Variants in ABCA8 observed in about 807,000 individuals in gnomAD.
ABCA8 encodes the protein ABC-type organic anion transporter ABCA8.
A neutral mutation model predicts 192.3 loss-of-function variants in ABCA8; 177 were observed. The ratio of observed to expected loss-of-function variants is 0.92; its 90% confidence interval spans 0.81 to 1.04. ABCA8 has a LOEUF of 1.04. Ranked by LOEUF, ABCA8 falls within the 50% of genes least tolerant of loss-of-function variation. The pLI, the probability that ABCA8 is intolerant of heterozygous loss-of-function variation, is 0.00. For missense variants in ABCA8, 1,915 were observed against 1,904.8 expected (o/e 1.01, Z -0.10); for synonymous variants, 642 against 690.2 (o/e 0.93, Z 1.09).
At chr17:68,924,644 G>A (rs1460354774) in intron 11 of ABCA8, 57 bp downstream of exon 11, 1 of 1,563,010 alleles carries the variant, frequency 6.4e-7, no homozygotes, top group Non-Finnish European at 8.7e-7. Flanking sequence ...CTTGCCTCAG[G>A]TGCTATCTCT....
chr17:68,941,476 C>T (rs2068228592), intron 3 of ABCA8, among the ~76,000 whole-genome samples: 1 of 152,116 alleles, frequency 6.6e-6, no homozygotes, highest in South Asian at 2.1e-4. Context: ...AGAGCTAATG[C>T]TAATTTTCTT....
In ABCA8 at chr17:68,907,932, T is replaced by C. The variant is rs1700120797; in HGVS notation, c.2139-53A>G. The C allele has an allele frequency of 3.4e-6, 5 of 1,466,190 alleles. No individual in the cohort carries two copies. In the East Asian group the frequency reaches 7.0e-5, roughly 21 times the overall value. The allele number at this position is 1,466,190 out of a possible 1,614,324, so 90.8% of individuals were successfully genotyped here. ...ATATGTTACTCGACATAGTCTCCAA[T>C]AGCAAGAAAATAATTAACTAGTCTC... On this transcript the variant is annotated intron_variant, in intron 17 of 39. Coordinates refer to ENST00000586539, the MANE Select transcript of ABCA8 (RefSeq NM_001288985.2).
At position 68,902,804 on chromosome 17, in the gene ABCA8, G is replaced by A. The variant is rs1308183489; in HGVS notation, c.2673C>T (p.Tyr891=). 4.3e-6 allele frequency: 7 copies of A among 1,613,560 alleles called. No individual in the cohort carries two copies. Among genetic ancestry groups the A allele is most frequent in the African/African-American group, 1.3e-5 (1 of 74,888 alleles). ...ACAAATGAGGAGAAAGTTCCCAGGT[G>A]TAACTGTTTTGATATATTTTCACCA... ...YTMVKIYQNS[Y]TWELSPHLYF... Residue 891 remains tyrosine, a synonymous_variant, in exon 21 of 40, where the codon TAC becomes TAT. Coordinates refer to ENST00000586539, the MANE Select transcript of ABCA8 (RefSeq NM_001288985.2).
At chr17:68,895,726 C>T (rs970355326) in intron 21 of ABCA8, among the ~76,000 whole-genome samples, 5 of 152,110 alleles carry the variant, frequency 3.3e-5, no homozygotes, top group African/African-American at 7.2e-5. Flanking sequence ...AGTATCTTCA[C>T]GGGAGGGGCT....
chr17:68,919,197 T>C (rs1344651095), intron 14 of ABCA8, 104 bp downstream of exon 14: 7 of 1,106,712 alleles, frequency 6.3e-6, no homozygotes, highest in Non-Finnish European at 8.9e-6. Context: ...TGTCCAACAA[T>C]TGTACAATGA....
At chr17:68,889,234 G>C (rs2066568555) in intron 24 of ABCA8, among the ~76,000 whole-genome samples, 1 of 152,148 alleles carries the variant, frequency 6.6e-6, no homozygotes. Context: ...GCTTACACAA[G>C]GTTTCATAGA....
intron 14 of ABCA8, 25 bp downstream of exon 14, chr17:68,919,276 C>G: frequency 6.4e-7 from 1 of 1,573,304 alleles, no homozygotes; most frequent in South Asian, 1.2e-5. Context: ...TTGACCAACA[C>G]ATTAACTTTA....
chr17:68,944,316 T>TTATTTA (rs2068320446), intron 2 of ABCA8, among the ~76,000 whole-genome samples: 1 of 29,272 alleles, frequency 3.4e-5, no homozygotes, highest in African/African-American at 1.4e-4. Context: ...GAACTTAAAG[T>TTATTTA]TATATATATA....
chr17:68,936,031 A>G (rs1001160880), intron 5 of ABCA8, among the ~76,000 whole-genome samples: 2 of 152,142 alleles, frequency 1.3e-5, no homozygotes, highest in Admixed American at 1.3e-4. Flanking sequence ...AACTGCACTG[A>G]AAAATAGGCA....
At chr17:68,946,315 G>A (rs771792745) in intron 2 of ABCA8, among the ~76,000 whole-genome samples, 3 of 152,004 alleles carry the variant, frequency 2.0e-5, no homozygotes, top group Non-Finnish European at 4.4e-5. Flanking sequence ...ATCTGCCCAC[G>A]TTGGCCTCCC....
intron 4 of ABCA8, among the ~76,000 whole-genome samples, chr17:68,940,454 C>G (rs890617200): frequency 1.1e-4 from 16 of 152,098 alleles, no homozygotes; most frequent in Non-Finnish European, 2.1e-4. Context: ...CACTACTGCT[C>G]TAAATGTGCA....
intron 30 of ABCA8, 76 bp from the exon 31 acceptor site, chr17:68,882,056 T>C (rs1045740834): frequency 3.1e-6 from 4 of 1,279,964 alleles, no homozygotes; most frequent in African/African-American, 1.5e-5. Flanking sequence ...CATCTTCCCA[T>C]TGGCTGGACC....
rs747602486 is a variant in ABCA8 at position 68,932,927 on chromosome 17, C to T, written c.570+241G>A. 4.6e-5 allele frequency among the ~76,000 whole-genome samples: 7 copies of T among 152,178 alleles called. 1 individual carries two copies. The highest frequency in any genetic ancestry group is 1.0e-4 in the Non-Finnish European group (7 of 68,026). On this transcript the variant is annotated intron_variant, in intron 6 of 39. Transcript: ENST00000586539. Reference sequence around the variant, plus strand: ...TGATTTATAGTTCTGTAATAGTCTACTTCTGTTCTAATAATTTTCTTATAT... The same window carrying T: ...TGATTTATAGTTCTGTAATAGTCTATTTCTGTTCTAATAATTTTCTTATAT...
rs936416979 is a variant in ABCA8 at position 68,876,662 on chromosome 17, G to A, written c.4241C>T (p.Pro1414Leu). The change falls in exon 34 of 40, where the codon CCC becomes CTC. Residue 1414 changes from proline to leucine, a missense_variant. Pro to Leu is a moderately conservative substitution (Grantham distance 98). Coordinates refer to ENST00000586539, the MANE Select transcript of ABCA8 (RefSeq NM_001288985.2). ...ALKLQDQLKS[P>L]VKTLSEGIKR... ...TATTCCCTCTGACAAGGTCTTCACGGGAGACTTCAGCTGGTCCTGCAGCTT... is the reference window on the plus strand; with the variant it reads ...TATTCCCTCTGACAAGGTCTTCACGAGAGACTTCAGCTGGTCCTGCAGCTT... 30 of 1,614,008 alleles carry A rather than the reference G, an allele frequency of 1.9e-5. No homozygotes were observed. The highest frequency in any genetic ancestry group is 8.3e-5 in the Admixed American group (5 of 60,008).
chr17:68,883,775 A>T lies in ABCA8; in HGVS notation c.3707+16T>A. 2.1e-6 allele frequency: 3 copies of T among 1,461,562 alleles called. No individual in the cohort carries two copies. Among genetic ancestry groups the T allele is most frequent in the Non-Finnish European group, 2.8e-6 (3 of 1,066,600 alleles). 90.5% of individuals were successfully genotyped at this position (1,461,562 alleles called of 1,614,324 possible). On this transcript the variant is annotated intron_variant, in intron 29 of 39. Transcript: ENST00000586539. ...TATTGATCAACAAAATAAAAATCTG[A>T]TGTGTTTTTTCCAACCTAAAGAAAG...
At chr17:68,881,399 T>TA (rs944745821) in intron 31 of ABCA8, among the ~76,000 whole-genome samples, 188 bp from the exon 32 acceptor site, 1 of 152,218 alleles carries the variant, frequency 6.6e-6, no homozygotes, top group African/African-American at 2.4e-5. Flanking sequence ...ATGATGGGGT[T>TA]ACCTGTGCAA....
rs2066407294 is a variant in ABCA8 at position 68,884,351 on chromosome 17, G to T, written c.3595C>A (p.Pro1199Thr). ...LFSEERMDVQPFLVFLIPFLH... is the reference protein window; with the variant it reads ...LFSEERMDVQTFLVFLIPFLH... Reference sequence around the variant, plus strand: ...CTTACAATTAGGAATACCAGAAATGGCTGTACATCCATTCGTTCTTCAGAA... The same window carrying T: ...CTTACAATTAGGAATACCAGAAATGTCTGTACATCCATTCGTTCTTCAGAA... The change falls in exon 28 of 40, where the codon CCA becomes ACA. Residue 1199 changes from proline to threonine, a missense_variant. Physicochemically the swap from Pro to Thr is conservative, Grantham distance 38. Transcript: ENST00000586539. The T allele has an allele frequency of 7.6e-6, 12 of 1,588,706 alleles. No homozygotes were observed. The highest frequency in any genetic ancestry group is 1.0e-5 in the Non-Finnish European group (12 of 1,171,842).
At chr17:68,905,760 T>A (rs1162628154) in intron 19 of ABCA8, among the ~76,000 whole-genome samples, 3 of 152,256 alleles carry the variant, frequency 2.0e-5, no homozygotes, top group Non-Finnish European at 4.4e-5. Flanking sequence ...GTGTTTTAGA[T>A]CTGTGGGTTC....
chr17:68,927,613 T>C (rs2067737492), intron 10 of ABCA8, among the ~76,000 whole-genome samples: 1 of 152,070 alleles, frequency 6.6e-6, no homozygotes, highest in Non-Finnish European at 1.5e-5. Context: ...TGACCATGAT[T>C]ACCAGAACTG....
Sources: gnomAD v4.1 joint callset for allele counts (sites outside exome capture counted in the v4.1 genomes callset) on GRCh38, gnomAD v4.1.1 for gene constraint, MANE v1.5 for transcripts, NCBI Gene and HGNC (gene_info 2026-07-23, HGNC 2026-07-21) for gene names.